Variants in ALDH6A1 observed in about 807,000 individuals in gnomAD.
The protein encoded by ALDH6A1 is aldehyde dehydrogenase 6 family member A1, also known as methylmalonate-semialdehyde/malonate-semialdehyde dehydrogenase [acylating], mitochondrial.
In ALDH6A1, 43 loss-of-function variants were observed where a neutral mutation model predicts 62.6. The ratio of observed to expected loss-of-function variants is 0.69; its 90% CI spans 0.54 to 0.89. The LOEUF is 0.89. ALDH6A1 is among the 40% of genes least tolerant of loss of function. The pLI is 0.00. For missense variants in ALDH6A1, 551 were observed against 661.3 expected (o/e 0.83, Z 1.83); for synonymous variants, 194 against 234.2 (o/e 0.83, Z 1.57).
intron 11 of ALDH6A1, 39 bp downstream of exon 11, chr14:74,064,783 T>A: frequency 6.2e-7 from 1 of 1,612,604 alleles, no homozygotes; most frequent in Non-Finnish European, 8.5e-7. Flanking sequence ...TAAGAAAATT[T>A]CTTAAAGGAA....
chr14:74,060,471 C>A lies in ALDH6A1; in HGVS notation c.*171G>T. On this transcript the variant is annotated 3_prime_UTR_variant, in exon 12 of 12. Coordinates refer to ENST00000553458, the MANE Select transcript of ALDH6A1 (RefSeq NM_005589.4). Reference sequence around the variant, plus strand: ...AGTGAGAAATCTGGTTTCATTGTTACACTAGGCAGTTCCCTATAGAAACTT... The same window carrying A: ...AGTGAGAAATCTGGTTTCATTGTTAAACTAGGCAGTTCCCTATAGAAACTT... 1.5e-6 allele frequency: 1 copy of A among 650,238 alleles called. No homozygotes were observed. Among genetic ancestry groups the A allele is most frequent in the East Asian group, 2.8e-5 (1 of 35,674 alleles). 40.3% of individuals were successfully genotyped at this position (650,238 alleles called of 1,614,324 possible).
rs79256926 is a variant in ALDH6A1, at chr14:74,083,574, G to A, written c.48+773C>T. On this transcript the variant is annotated intron_variant, in intron 1 of 11. Coordinates refer to ENST00000553458, the MANE Select transcript of ALDH6A1 (RefSeq NM_005589.4). ...ACCTGGCTCCCACTTTCTATCACCCGTTTTAAAGATGTTTGGTACCTTGAA... is the reference window on the plus strand; with the variant it reads ...ACCTGGCTCCCACTTTCTATCACCCATTTTAAAGATGTTTGGTACCTTGAA... Among the ~76,000 whole-genome samples the A allele has an allele frequency of 6.3e-3, 957 of 152,278 alleles. 15 individuals carry two copies. The highest frequency in any genetic ancestry group is 0.022 in the African/African-American group (921 of 41,548).
chr14:74,083,585 G>A (rs1423193707), intron 1 of ALDH6A1, among the ~76,000 whole-genome samples: 1 of 152,204 alleles, frequency 6.6e-6, no homozygotes, highest in Non-Finnish European at 1.5e-5. Flanking sequence ...TTTTAAAGAT[G>A]TTTGGTACCT....
intron 7 of ALDH6A1, among the ~76,000 whole-genome samples, chr14:74,068,333 G>A (rs1324536913): frequency 6.6e-6 from 1 of 150,698 alleles, no homozygotes; most frequent in African/African-American, 2.4e-5. Context: ...GAGCTGAGAT[G>A]GCACCACTGC....
intron 2 of ALDH6A1, among the ~76,000 whole-genome samples, chr14:74,074,483 C>A (rs1466324058): frequency 6.6e-6 from 1 of 151,610 alleles, no homozygotes. Context: ...GATGTGGTTT[C>A]CCCATGTTGG....
chr14:74,070,951 T>G (rs2060540836), intron 6 of ALDH6A1: 1 of 531,986 alleles, frequency 1.9e-6, no homozygotes, highest in Non-Finnish European at 3.4e-6. Flanking sequence ...ATCTTATCTG[T>G]GTCTAGCCCT....
At chr14:74,071,771 T>A (rs2060552575) in intron 5 of ALDH6A1, 125 bp downstream of exon 5, 1 of 1,464,824 alleles carries the variant, frequency 6.8e-7, no homozygotes, top group Admixed American at 1.7e-5. Context: ...TTCACAAGTA[T>A]TAAAAAAGAT....
intron 11 of ALDH6A1, among the ~76,000 whole-genome samples, chr14:74,062,051 G>GGAAA (rs1176468419): frequency 3.4e-5 from 2 of 59,616 alleles, no homozygotes. Flanking sequence ...TCTCTACTGG[G>GGAAA]AAAAAAAAAA....
Position 74,057,436 on chromosome 14 carries a change from A to G in ALDH6A1, c.*3206T>C. 1 of 1,492,838 alleles carries G rather than the reference A, an allele frequency of 6.7e-7. No homozygotes were observed. The highest frequency in any genetic ancestry group is 8.9e-7 in the Non-Finnish European group (1 of 1,125,232). 92.5% of individuals were successfully genotyped at this position (1,492,838 alleles called of 1,614,324 possible). ...TTTAAAGCAATATCCGTACAAATGCATATTATACTAATGCAAATGCAAATG... is the reference window on the plus strand; with the variant it reads ...TTTAAAGCAATATCCGTACAAATGCGTATTATACTAATGCAAATGCAAATG... On this transcript the variant is annotated 3_prime_UTR_variant, in exon 12 of 12. Transcript: ENST00000553458.
In ALDH6A1 at chr14:74,057,196, T is replaced by A; in HGVS notation, c.*3446A>T. ...CTTCATCACCCAGCAAATTGCAATA[T>A]CAGACTCTTCTGGTGAAGTGGTGCT... is the stretch of plus-strand genomic sequence containing the variant. On this transcript the variant is annotated 3_prime_UTR_variant, in exon 12 of 12. Transcript: ENST00000553458. 3 of 1,614,040 alleles carry A rather than the reference T, an allele frequency of 1.9e-6. No homozygotes were observed. Among genetic ancestry groups the A allele is most frequent in the Non-Finnish European group, 2.5e-6 (3 of 1,179,924 alleles).
chr14:74,068,724 A>G (rs2060506947), intron 7 of ALDH6A1, 136 bp downstream of exon 7: 1 of 1,035,444 alleles, frequency 9.7e-7, no homozygotes, highest in Non-Finnish European at 1.4e-6. Flanking sequence ...GCTTGGTGAC[A>G]GAGAGACTCT....
intron 9 of ALDH6A1, among the ~76,000 whole-genome samples, chr14:74,066,399 C>T (rs937252246): frequency 6.6e-6 from 1 of 152,112 alleles, no homozygotes; most frequent in Non-Finnish European, 1.5e-5. Context: ...AACACAGCCA[C>T]ACAATGTTTA....
chr14:74,072,372 G>A lies in ALDH6A1; in HGVS notation c.187-8C>T. 1 of 1,614,136 alleles carries A rather than the reference G, an allele frequency of 6.2e-7. No homozygotes were observed. The highest frequency in any genetic ancestry group is 8.5e-7 in the Non-Finnish European group (1 of 1,180,028). Reference sequence around the variant, plus strand: ...AATGACCTCATTGGTGGCCTGATGAGAAAAATAAGCACATGATCCTTTGCC... The same window carrying A: ...AATGACCTCATTGGTGGCCTGATGAAAAAAATAAGCACATGATCCTTTGCC... On this transcript the variant is annotated splice_polypyrimidine_tract_variant and splice_region_variant and intron_variant, in intron 3 of 11. Transcript: ENST00000553458.
chr14:74,072,227 A>G lies in ALDH6A1; in HGVS notation c.324T>C (p.Tyr108=). 1 of 1,614,236 alleles carries G rather than the reference A, an allele frequency of 6.2e-7. No homozygotes were observed. Among genetic ancestry groups the G allele is most frequent in the Non-Finnish European group, 8.5e-7 (1 of 1,180,044 alleles). The change falls in exon 4 of 12, where the codon TAT becomes TAC. Residue 108 remains tyrosine, a synonymous_variant. Coordinates refer to ENST00000553458, the MANE Select transcript of ALDH6A1 (RefSeq NM_005589.4). ...VLSRQQVLLR[Y]QQLIKENLKE... is the part of the protein sequence containing the mutation. ...CCAAGTTTTCTTTAATAAGTTGTTG[A>G]TAGCGGAGCAAGACCTGCTGGCGGC...
intron 4 of ALDH6A1, 23 bp from the exon 5 acceptor site, chr14:74,071,997 G>T (rs749438189): frequency 1.9e-6 from 3 of 1,608,998 alleles, no homozygotes; most frequent in Admixed American, 3.3e-5. Context: ...CACACAAATA[G>T]AAATTAATGC....
Position 74,060,469 on chromosome 14 carries a change from TA to T in ALDH6A1, c.*172del, listed in dbSNP as rs2060314510. On this transcript the variant is annotated 3_prime_UTR_variant, in exon 12 of 12. Transcript: ENST00000553458. ...CAAGTGAGAAATCTGGTTTCATTGTTACACTAGGCAGTTCCCTATAGAAACT... is the reference window on the plus strand; with the variant it reads ...CAAGTGAGAAATCTGGTTTCATTGTTCACTAGGCAGTTCCCTATAGAAACT... The T allele has an allele frequency of 1.6e-6, 1 of 631,892 alleles. No individual in the cohort carries two copies. Among genetic ancestry groups the T allele is most frequent in the Non-Finnish European group, 2.9e-6 (1 of 347,850 alleles). The allele number at this position is 631,892 out of a possible 1,614,324, so 39.1% of individuals were successfully genotyped here.
chr14:74,075,065 A>T, intron 1 of ALDH6A1, 48 bp from the exon 2 acceptor site: 1 of 1,582,560 alleles, frequency 6.3e-7, no homozygotes, highest in Non-Finnish European at 8.7e-7. Flanking sequence ...GCAGAAAGTT[A>T]TTTAAAATTT....
intron 5 of ALDH6A1, 49 bp downstream of exon 5, chr14:74,071,847 A>G (rs1280078890): frequency 6.3e-7 from 1 of 1,591,736 alleles, no homozygotes; most frequent in Non-Finnish European, 8.6e-7. Context: ...TTTGCCTCCC[A>G]TCTTCCTTTG....
Position 74,071,322 on chromosome 14 carries a change from C to T in ALDH6A1, c.603G>A (p.Val201=), listed in dbSNP as rs1317145665. The change falls in exon 6 of 12, where the codon GTG becomes GTA. Residue 201 remains valine (V), a synonymous_variant. Transcript: ENST00000553458. ...IPLWMFPMAM[V]CGNTFLMKPS... The stretch of plus-strand genomic sequence containing the variant: ...GTTTCATTAGGAAGGTATTTCCACA[C>T]ACCATGGCCATGGGAAACATCCAAA... 3.1e-6 allele frequency: 5 copies of T among 1,614,168 alleles called. No individual in the cohort carries two copies. Among genetic ancestry groups the T allele is most frequent in the Non-Finnish European group, 4.2e-6 (5 of 1,180,032 alleles).
Sources: allele counts gnomAD v4.1 joint callset (sites outside exome capture counted in the v4.1 genomes callset), GRCh38; gene constraint gnomAD v4.1.1; transcripts MANE v1.5; gene names NCBI Gene and HGNC (gene_info 2026-07-23, HGNC 2026-07-21).